DGKG: variants seen among roughly 807,000 people sequenced by gnomAD.
DGKG encodes the protein DAG kinase gamma.
In DGKG, 78 loss-of-function variants were observed where a neutral mutation model predicts 105.3. The observed-to-expected ratio is 0.74, with a 90% CI of 0.62 to 0.89. The LOEUF is 0.89. Ranked by LOEUF, DGKG falls within the 40% of genes least tolerant of loss-of-function variation. The probability of loss-of-function intolerance (pLI) is 0.00; values close to 1 mark genes in which losing one functional copy is unlikely to be tolerated. For missense variants in DGKG, 958 were observed against 1,020.1 expected (o/e 0.94, Z 0.83); for synonymous variants, 346 against 367.1 (o/e 0.94, Z 0.66).
chr3:186,309,856 AT>A (rs1724431591), intron 2 of DGKG, among the ~76,000 whole-genome samples: 1 of 152,208 alleles, frequency 6.6e-6, no homozygotes, highest in Non-Finnish European at 1.5e-5. Context: ...AATGTGTGAT[AT>A]ATATACACAC....
At chr3:186,300,466 T>A (rs896839220) in intron 3 of DGKG, among the ~76,000 whole-genome samples, 5 of 152,216 alleles carry the variant, frequency 3.3e-5, no homozygotes, top group African/African-American at 1.2e-4. Flanking sequence ...CAACATTTCA[T>A]CTTCTCTTCT....
intron 20 of DGKG, 127 bp downstream of exon 20, chr3:186,242,377 G>A (rs538034536): frequency 1.3e-4 from 90 of 691,378 alleles, no homozygotes; most frequent in African/African-American, 8.5e-4. Flanking sequence ...CCTCCTTCCG[G>A]CAAGTGGCAG....
chr3:186,225,890 T>C (rs575361151), intron 20 of DGKG, among the ~76,000 whole-genome samples: 3 of 152,352 alleles, frequency 2.0e-5, no homozygotes, highest in Admixed American at 6.5e-5. Context: ...TTATGAGTCC[T>C]AATACATGTC....
At chr3:186,258,254 C>G (rs1721580580) in intron 16 of DGKG, among the ~76,000 whole-genome samples, 1 of 152,142 alleles carries the variant, frequency 6.6e-6, no homozygotes, top group Admixed American at 6.5e-5. Context: ...ATACAAATAG[C>G]CCCCAGTGTT....
intron 4 of DGKG, among the ~76,000 whole-genome samples, chr3:186,297,695 TCTC>T (rs1723654264): frequency 6.6e-6 from 1 of 152,056 alleles, no homozygotes; most frequent in African/African-American, 2.4e-5. Flanking sequence ...ATGGCTTCCC[TCTC>T]CTCTAACACT....
chr3:186,261,761 G>C lies in DGKG; in HGVS notation c.1287C>G (p.Thr429=). ...AGACCAGCAGGGGGTGGGTACCCGG[G>C]GTGGGGATGATCTTATACTTGAAAG... ...ELVMQYKIIP[T]PGTHPLLVLV... is the part of the protein sequence containing the mutation. The change falls in exon 15 of 25, where the codon ACC becomes ACG. Residue 429 remains threonine, a synonymous_variant. Transcript: ENST00000265022. The C allele has an allele frequency of 6.2e-7, 1 of 1,605,304 alleles. No individual in the cohort carries two copies. Among genetic ancestry groups the C allele is most frequent in the Non-Finnish European group, 8.5e-7 (1 of 1,175,712 alleles).
chr3:186,331,196 G>A (rs899776677), intron 1 of DGKG, among the ~76,000 whole-genome samples: 2 of 152,194 alleles, frequency 1.3e-5, no homozygotes, highest in Non-Finnish European at 2.9e-5. Flanking sequence ...AGCAGTAGCT[G>A]AAAACCACAA....
chr3:186,257,683 T>TTC, intron 17 of DGKG, 171 bp downstream of exon 17: 2 of 201,706 alleles, frequency 9.9e-6, no homozygotes, highest in Middle Eastern at 1.9e-3. Flanking sequence ...TCTTATTTCT[T>TTC]TTTTTTTTTT....
In DGKG at chr3:186,253,177, C is replaced by A; in HGVS notation, c.1516G>T (p.Ala506Ser). ...ACTGGTGGATGCTTTGCAAAGTTGG[C>A]CTTATCTGCAAGACACACAGAGGAA... Reference protein sequence around the residue: ...VGWILDCIDKANFAKHPPVAV... With the variant: ...VGWILDCIDKSNFAKHPPVAV... The change falls in exon 18 of 25, where the codon GCC (alanine) becomes TCC (serine). Residue 506 changes from alanine (A) to serine (S), a missense_variant. By Grantham distance (99) the Ala-to-Ser change is moderately conservative. Around this residue, in one of 2 missense-constraint regions of DGKG, gnomAD observed 315 missense variants for 400.6 expected, o/e 0.79. Coordinates refer to ENST00000265022, the MANE Select transcript of DGKG (RefSeq NM_001346.3). The A allele has an allele frequency of 6.2e-7, 1 of 1,613,938 alleles. No individual in the cohort carries two copies. Among genetic ancestry groups the A allele is most frequent in the Non-Finnish European group, 8.5e-7 (1 of 1,179,826 alleles).
intron 19 of DGKG, among the ~76,000 whole-genome samples, chr3:186,244,446 C>T (rs1424290531): frequency 6.7e-6 from 1 of 150,266 alleles, no homozygotes; most frequent in South Asian, 2.1e-4. Flanking sequence ...ACTCTGTCAC[C>T]CAAGCTGGAG....
At chr3:186,196,467 A>G (rs1292257716) in intron 21 of DGKG, among the ~76,000 whole-genome samples, 1 of 152,174 alleles carries the variant, frequency 6.6e-6, no homozygotes, top group Non-Finnish European at 1.5e-5. Context: ...CTGTAATCTC[A>G]TGGAATCAAA....
intron 20 of DGKG, among the ~76,000 whole-genome samples, chr3:186,215,138 C>T (rs966215265): frequency 2.0e-5 from 3 of 152,082 alleles, no homozygotes; most frequent in East Asian, 1.9e-4. Flanking sequence ...TGGTGGGGCG[C>T]GACGGCTCAC....
At chr3:186,359,794 G>A (rs1284931723) in intron 1 of DGKG, among the ~76,000 whole-genome samples, 1 of 152,190 alleles carries the variant, frequency 6.6e-6, no homozygotes, top group Non-Finnish European at 1.5e-5. Flanking sequence ...TGGGATGGGA[G>A]TGGTAGGATC....
At chr3:186,271,868 G>T (rs1722332474) in intron 11 of DGKG, among the ~76,000 whole-genome samples, 1 of 152,174 alleles carries the variant, frequency 6.6e-6, no homozygotes, top group Non-Finnish European at 1.5e-5. Flanking sequence ...TTGTGTTCAA[G>T]ACACAACTGC....
intron 20 of DGKG, among the ~76,000 whole-genome samples, chr3:186,238,482 A>G (rs1720524175): frequency 6.6e-6 from 1 of 151,976 alleles, no homozygotes; most frequent in African/African-American, 2.4e-5. Context: ...CTTGAGCACT[A>G]TTTTTCCTTT....
chr3:186,215,656 A>G (rs1006031078), intron 20 of DGKG, among the ~76,000 whole-genome samples: 5 of 152,058 alleles, frequency 3.3e-5, no homozygotes, highest in Admixed American at 6.6e-5. Flanking sequence ...TGACAATAGC[A>G]TTAGAAGAGA....
At chr3:186,318,228 A>G (rs969627015) in intron 2 of DGKG, among the ~76,000 whole-genome samples, 3 of 152,080 alleles carry the variant, frequency 2.0e-5, no homozygotes, top group Non-Finnish European at 4.4e-5. Flanking sequence ...ACCTCCTGCT[A>G]TCCCCACGCC....
chr3:186,246,664 T>C (rs1046418489), intron 19 of DGKG, among the ~76,000 whole-genome samples: 1 of 152,246 alleles, frequency 6.6e-6, no homozygotes, highest in Non-Finnish European at 1.5e-5. Context: ...AGTATCTTCA[T>C]GGCTCTCACA....
chr3:186,297,528 G>T, intron 4 of DGKG, 45 bp from the exon 5 acceptor site: 1 of 1,384,006 alleles, frequency 7.2e-7, no homozygotes, highest in Non-Finnish European at 1.0e-6. Context: ...AGGCCCTCTA[G>T]CTTCTTGGAA....
Sources: gnomAD v4.1 joint callset for allele counts (sites outside exome capture counted in the v4.1 genomes callset) on GRCh38, gnomAD v4.1.1 for gene constraint, gnomAD v4.1.1 regional missense constraint, MANE v1.5 for transcripts, NCBI Gene and HGNC (gene_info 2026-07-23, HGNC 2026-07-21) for gene names.